The following CSMD1 variants were observed in gnomAD, a reference collection of about 807,000 sequenced individuals.
The protein encoded by CSMD1 is CUB and Sushi multiple domains 1.
A neutral mutation model predicts 417.5 loss-of-function variants in CSMD1; 213 were observed. The ratio of observed to expected loss-of-function variants is 0.51; its 90% CI spans 0.46 to 0.57. The LOEUF is 0.57. Ranked by LOEUF, CSMD1 falls within the 20% of genes least tolerant of loss-of-function variation. The pLI, the probability that CSMD1 is intolerant of heterozygous loss-of-function variation, is 0.00. For synonymous variants in CSMD1, 2,862 were observed against 1,736.8 expected (o/e 1.65, Z -16.11); for missense variants, 6,923 against 4,529.7 (o/e 1.53, Z -15.17).
intron 2 of CSMD1, among the ~76,000 whole-genome samples, chr8:4,442,272 A>G (rs1798528673): frequency 6.6e-6 from 1 of 152,146 alleles, no homozygotes; most frequent in Admixed American, 6.5e-5. Flanking sequence ...TTGTTTTTAT[A>G]ACAGTAAAAA....
chr8:4,318,256 G>C (rs184550545), intron 3 of CSMD1, among the ~76,000 whole-genome samples: 5 of 152,124 alleles, frequency 3.3e-5, no homozygotes, highest in Admixed American at 2.0e-4. Flanking sequence ...AATGACACTT[G>C]GTAACATTTT....
At chr8:4,271,487 A>G (rs965964449) in intron 3 of CSMD1, among the ~76,000 whole-genome samples, 1 of 152,132 alleles carries the variant, frequency 6.6e-6, no homozygotes, top group Admixed American at 6.5e-5. Flanking sequence ...TTTTTCATAG[A>G]GAAAAAACTG....
At chr8:3,720,809 T>A (rs991508270) in intron 6 of CSMD1, among the ~76,000 whole-genome samples, 1 of 151,500 alleles carries the variant, frequency 6.6e-6, no homozygotes, top group Non-Finnish European at 1.5e-5. Context: ...GATGTGAACA[T>A]CTAACGTTTG....
chr8:3,179,004 G>C (rs1045505063), intron 37 of CSMD1, among the ~76,000 whole-genome samples: 2 of 148,486 alleles, frequency 1.3e-5, no homozygotes, highest in Admixed American at 6.8e-5. Context: ...CTGGAGTGCA[G>C]TGGCGCGATC....
chr8:4,252,617 C>T (rs1433836430), intron 3 of CSMD1, among the ~76,000 whole-genome samples: 2 of 152,122 alleles, frequency 1.3e-5, no homozygotes, highest in Non-Finnish European at 2.9e-5. Context: ...ATTATAGAAC[C>T]CAAATATAGT....
At chr8:3,122,054 A>G (rs1817243807) in intron 41 of CSMD1, among the ~76,000 whole-genome samples, 1 of 152,010 alleles carries the variant, frequency 6.6e-6, no homozygotes, top group Admixed American at 6.6e-5. Flanking sequence ...CTTTACACCA[A>G]CCTAATGTAT....
chr8:3,429,400 GC>G, intron 12 of CSMD1, among the ~76,000 whole-genome samples: 1 of 152,228 alleles, frequency 6.6e-6, no homozygotes, highest in East Asian at 1.9e-4. Flanking sequence ...ATATGACATG[GC>G]CCTTCCACAC....
chr8:4,513,232 G>T (rs757464317), intron 2 of CSMD1, among the ~76,000 whole-genome samples: 35 of 152,104 alleles, frequency 2.3e-4, no homozygotes, highest in Non-Finnish European at 3.4e-4. Flanking sequence ...TAATAAAGGA[G>T]ATCCTGTATG....
At chr8:4,219,488 G>A (rs185789065) in intron 3 of CSMD1, among the ~76,000 whole-genome samples, 215 of 152,060 alleles carry the variant, frequency 1.4e-3, no homozygotes, top group Non-Finnish European at 2.3e-3. Context: ...ATTTCCTTCC[G>A]TCTCTTGGGT....
At chr8:4,006,321 A>T (rs1362918498) in intron 4 of CSMD1, among the ~76,000 whole-genome samples, 1 of 152,226 alleles carries the variant, frequency 6.6e-6, no homozygotes, top group Non-Finnish European at 1.5e-5. Flanking sequence ...AGATGGATGG[A>T]TCACCTGAGG....
intron 15 of CSMD1, among the ~76,000 whole-genome samples, chr8:3,399,753 C>G (rs1391809462): frequency 7.2e-5 from 11 of 152,292 alleles, no homozygotes; most frequent in Middle Eastern, 3.4e-3. Flanking sequence ...TTCTTTTTCT[C>G]TAGTAATGGT....
chr8:4,521,663 A>G, intron 2 of CSMD1, among the ~76,000 whole-genome samples: 1 of 152,206 alleles, frequency 6.6e-6, no homozygotes, highest in Admixed American at 6.5e-5. Context: ...CTCAGGTCCT[A>G]TTGCGAAGAA....
chr8:3,583,901 G>C (rs1025413531), intron 9 of CSMD1, among the ~76,000 whole-genome samples: 32 of 151,514 alleles, frequency 2.1e-4, no homozygotes, highest in African/African-American at 6.8e-4. Context: ...AGATAGATAA[G>C]GAGCATTGTC....
chr8:3,995,148 T>A (rs1226540984), intron 5 of CSMD1, among the ~76,000 whole-genome samples: 6 of 152,220 alleles, frequency 3.9e-5, no homozygotes, highest in Non-Finnish European at 5.9e-5. Context: ...TTAAGATAAA[T>A]CATATTATGC....
chr8:3,729,596 G>A (rs370170386), intron 6 of CSMD1, among the ~76,000 whole-genome samples: 179 of 152,152 alleles, frequency 1.2e-3, no homozygotes, highest in Middle Eastern at 6.8e-3. Flanking sequence ...CAACCTGCTG[G>A]AAGCCATTAG....
chr8:4,727,812 T>C (rs12543048), intron 1 of CSMD1, among the ~76,000 whole-genome samples: 78,381 of 150,422 alleles, frequency 0.52, 22,878 homozygotes, highest in East Asian at 0.82. Flanking sequence ...GTTTGGTACA[T>C]GTATATGTTT....
chr8:4,769,972 C>T (rs1357063939), intron 1 of CSMD1, among the ~76,000 whole-genome samples: 4 of 152,008 alleles, frequency 2.6e-5, no homozygotes, highest in Admixed American at 1.3e-4. Context: ...AAAGCAAAAG[C>T]TGGACAGAAA....
At chr8:3,966,749 ACACACGCGCGCG>A (rs1237725087) in intron 5 of CSMD1, among the ~76,000 whole-genome samples, 2 of 102,548 alleles carry the variant, frequency 2.0e-5, no homozygotes. Context: ...ACACACACAC[ACACACGCGCGCG>A]CGCGCACACA....
chr8:3,806,319 T>C (rs894420655), intron 5 of CSMD1, among the ~76,000 whole-genome samples: 2 of 152,174 alleles, frequency 1.3e-5, no homozygotes, highest in African/African-American at 2.4e-5. Flanking sequence ...CTTTGGGTAA[T>C]TAATAGATTC....
Sources: gnomAD v4.1 joint callset for allele counts (sites outside exome capture counted in the v4.1 genomes callset) on GRCh38, gnomAD v4.1.1 for gene constraint, MANE v1.5 for transcripts, NCBI Gene and HGNC (gene_info 2026-07-23, HGNC 2026-07-21) for gene names.